Variants in TNKS observed in about 807,000 individuals in gnomAD.
TNKS encodes the protein tankyrase.
In TNKS, 72 loss-of-function variants were observed where a neutral mutation model predicts 135.8. The ratio of observed to expected loss-of-function variants is 0.53; its 90% CI spans 0.44 to 0.64. The LOEUF (loss-of-function observed/expected upper bound fraction) is 0.64, where lower values mean the gene tolerates loss of function less well. Among genes scored for constraint, TNKS ranks in the 30% least tolerant of loss-of-function variants. The pLI, the probability that TNKS is intolerant of heterozygous loss-of-function variation, is 0.00. For missense variants in TNKS, 1,769 were observed against 1,674.0 expected (o/e 1.06, Z -0.99); for synonymous variants, 849 against 649.3 (o/e 1.31, Z -4.68).
chr8:9,576,399 A>C (rs887564748), intron 1 of TNKS, among the ~76,000 whole-genome samples: 1 of 152,048 alleles, frequency 6.6e-6, no homozygotes, highest in East Asian at 1.9e-4. Context: ...GGCAGAAGGC[A>C]AAGGGGAAGC....
intron 11 of TNKS, among the ~76,000 whole-genome samples, chr8:9,714,658 T>G (rs957695503): frequency 2.0e-5 from 3 of 152,126 alleles, no homozygotes; most frequent in Non-Finnish European, 4.4e-5. Flanking sequence ...TTAGCAGCAT[T>G]AGTAATGAAG....
chr8:9,603,297 C>T (rs961842257), intron 2 of TNKS, among the ~76,000 whole-genome samples: 6 of 151,940 alleles, frequency 3.9e-5, no homozygotes, highest in Non-Finnish European at 7.4e-5. Flanking sequence ...TGAAGTGATC[C>T]GCCCGCCTTG....
chr8:9,763,880 T>G (rs937046634), intron 22 of TNKS, among the ~76,000 whole-genome samples: 8 of 152,188 alleles, frequency 5.3e-5, no homozygotes, highest in African/African-American at 1.9e-4. Flanking sequence ...GAAAAAGGTA[T>G]GCCTAATTCT....
intron 5 of TNKS, among the ~76,000 whole-genome samples, chr8:9,683,701 G>T (rs1054808976): frequency 1.3e-5 from 2 of 151,718 alleles, no homozygotes; most frequent in Non-Finnish European, 1.5e-5. Flanking sequence ...AATGTAATAT[G>T]TGGGATTATA....
intron 26 of TNKS, among the ~76,000 whole-genome samples, chr8:9,775,299 ATAAAAGTACAGACTGGTTAC>A (rs978942654): frequency 6.6e-6 from 1 of 151,880 alleles, no homozygotes; most frequent in African/African-American, 2.4e-5. Flanking sequence ...TCTCACAAAA[ATAAAAGTACAGACTGGTTAC>A]TGAGACTTCA....
At chr8:9,653,695 A>T (rs549356591) in intron 3 of TNKS, among the ~76,000 whole-genome samples, 4 of 152,188 alleles carry the variant, frequency 2.6e-5, no homozygotes, top group African/African-American at 9.6e-5. Context: ...CCCACTTCTC[A>T]GCATCATTAT....
chr8:9,618,909 G>T (rs6985885), intron 3 of TNKS, among the ~76,000 whole-genome samples: 1 of 152,242 alleles, frequency 6.6e-6, no homozygotes, highest in Non-Finnish European at 1.5e-5. Context: ...ACATATTTTT[G>T]TAATTTAGTT....
In TNKS at chr8:9,556,072, C is replaced by G. The variant is rs1224688841; in HGVS notation, c.133C>G (p.Pro45Ala). ...CCCTGGCCTGGCCCCGGGGACCACCCCAGCCTCTCCCACGGCCAGCGGCCT... is the reference window on the plus strand; with the variant it reads ...CCCTGGCCTGGCCCCGGGGACCACCGCAGCCTCTCCCACGGCCAGCGGCCT... ...LSPGLAPGTT[P>A]ASPTASGLAP... The change falls in exon 1 of 27, where the codon CCA (proline) becomes GCA (alanine). Residue 45 changes from proline to alanine, a missense_variant. This residue lies in a region of TNKS where 450 missense variants were observed against 304.9 expected (regional missense o/e 1.48). Transcript: ENST00000310430. The G allele has an allele frequency of 6.2e-7, 1 of 1,606,486 alleles. No homozygotes were observed. Among genetic ancestry groups the G allele is most frequent in the Admixed American group, 1.7e-5 (1 of 59,434 alleles).
In TNKS at chr8:9,693,396, C is replaced by G. The variant is rs79827406; in HGVS notation, c.1108-11267C>G. Among the ~76,000 whole-genome samples the G allele has an allele frequency of 2.0e-4, 31 of 152,226 alleles. No individual in the cohort carries two copies. In the East Asian group the frequency reaches 4.6e-3, roughly 23 times the overall value. ...CATGTTCATATACATGGAAAAATAT[C>G]TGAAATGATCATTGTGCAACTGTAA... is the stretch of plus-strand genomic sequence containing the variant. On this transcript the variant is annotated intron_variant, in intron 5 of 26. Coordinates refer to ENST00000310430, the MANE Select transcript of TNKS (RefSeq NM_003747.3).
intron 19 of TNKS, 124 bp downstream of exon 19, chr8:9,751,970 CACAACATCTT>C: frequency 1.2e-6 from 1 of 810,798 alleles, no homozygotes; most frequent in South Asian, 1.7e-5. Flanking sequence ...TTTTCATACA[CACAACATCTT>C]ACAAGAAATA....
At chr8:9,705,759 G>T (rs1259540395) in intron 6 of TNKS, among the ~76,000 whole-genome samples, 1 of 152,130 alleles carries the variant, frequency 6.6e-6, no homozygotes, top group African/African-American at 2.4e-5. Context: ...GGGTTTTTTT[G>T]GTTTATTTAG....
intron 3 of TNKS, among the ~76,000 whole-genome samples, chr8:9,624,090 G>C (rs752707778): frequency 3.0e-4 from 45 of 152,114 alleles, no homozygotes; most frequent in Non-Finnish European, 4.3e-4. Context: ...AGTACTTCAA[G>C]TCCTTCCAAT....
intron 2 of TNKS, among the ~76,000 whole-genome samples, chr8:9,596,780 G>C (rs143355236): frequency 1.3e-5 from 2 of 152,312 alleles, no homozygotes; most frequent in East Asian, 3.9e-4. Flanking sequence ...CACATCTTTT[G>C]TTTTGCCTGT....
chr8:9,717,100 TA>T (rs1283011607), intron 11 of TNKS, among the ~76,000 whole-genome samples: 2 of 133,532 alleles, frequency 1.5e-5, no homozygotes, highest in African/African-American at 2.7e-5. Context: ...TATATATATA[TA>T]TTTTCAGGGA....
chr8:9,664,974 C>G (rs892231609), intron 3 of TNKS, among the ~76,000 whole-genome samples: 2 of 152,132 alleles, frequency 1.3e-5, no homozygotes, highest in African/African-American at 4.8e-5. Context: ...ATGCATTAAG[C>G]CAAATATAGT....
At chr8:9,770,317 C>G in intron 26 of TNKS, 55 bp downstream of exon 26, 2 of 1,543,386 alleles carry the variant, frequency 1.3e-6, no homozygotes, top group South Asian at 2.4e-5. Flanking sequence ...CAATAGAGCA[C>G]AGAGACCGTG....
At chr8:9,700,830 A>G (rs755141645) in intron 5 of TNKS, among the ~76,000 whole-genome samples, 1 of 152,180 alleles carries the variant, frequency 6.6e-6, no homozygotes, top group African/African-American at 2.4e-5. Context: ...AAATTTCAGT[A>G]GTTTAAAAAC....
At chr8:9,716,185 A>G (rs1804590703) in intron 11 of TNKS, among the ~76,000 whole-genome samples, 1 of 152,214 alleles carries the variant, frequency 6.6e-6, no homozygotes, top group Non-Finnish European at 1.5e-5. Context: ...TTGACATTTA[A>G]TAGGCTTATT....
Position 9,648,162 on chromosome 8 carries a change from C to CACT in TNKS, c.995-31784_995-31782dup, listed in dbSNP as rs767624621. Among the ~76,000 whole-genome samples, 128 of 152,278 alleles carry CACT rather than the reference C, an allele frequency of 8.4e-4. 2 individuals carry two copies. The highest frequency in any genetic ancestry group is 6.8e-3 in the Middle Eastern group (2 of 294). ...TGCGAAGGCCTAGAGCATTATTGTA[C>CACT]ACTACTATAGACTTCATAAACACTG... On this transcript the variant is annotated intron_variant, in intron 3 of 26. Transcript: ENST00000310430.
Sources: allele counts gnomAD v4.1 joint callset (sites outside exome capture counted in the v4.1 genomes callset), GRCh38; gene constraint gnomAD v4.1.1; regional missense constraint gnomAD v4.1.1; transcripts MANE v1.5; gene names NCBI Gene and HGNC (gene_info 2026-07-23, HGNC 2026-07-21).